The following BCOR variants were observed in gnomAD, a reference collection of about 807,000 sequenced individuals.
BCOR encodes BCL6 corepressor.
Under a neutral mutation model 86.7 loss-of-function variants are expected in BCOR, and 10 were observed. That is an observed-to-expected ratio of 0.12 (90% CI 0.07 to 0.20). BCOR has a LOEUF of 0.20. Among genes scored for constraint, BCOR ranks in the 10% least tolerant of loss-of-function variants. The pLI, the probability that BCOR is intolerant of heterozygous loss-of-function variation, is 1.00. For missense variants in BCOR, 1,259 were observed against 1,452.1 expected (o/e 0.87, Z 2.16); for synonymous variants, 611 against 609.0 (o/e 1.00, Z -0.05).
chrX:40,128,095 T>C (rs1028639277), intron 1 of BCOR, among the ~76,000 whole-genome samples: 1 of 107,761 alleles, frequency 9.3e-6, no homozygotes, highest in African/African-American at 3.4e-5. Context: ...AGTGGTGGCA[T>C]GCACCTGTAG....
chrX:40,081,753 T>G (rs1190774131), intron 1 of BCOR, among the ~76,000 whole-genome samples: 1 of 111,954 alleles, frequency 8.9e-6, no homozygotes, highest in Non-Finnish European at 1.9e-5. Context: ...CTTTTTCTAG[T>G]AGTGGAGAGA....
chrX:40,105,838 G>T (rs907020739), intron 1 of BCOR, among the ~76,000 whole-genome samples: 1 of 112,956 alleles, frequency 8.9e-6, no homozygotes, highest in African/African-American at 3.2e-5. Flanking sequence ...CCTTTCGAAG[G>T]TCGAAGGGCC....
chrX:40,066,508 A>C (rs1282130380), intron 6 of BCOR, among the ~76,000 whole-genome samples: 3 of 111,510 alleles, frequency 2.7e-5, no homozygotes, highest in African/African-American at 9.8e-5. Flanking sequence ...GCAGAGGGTA[A>C]GGCTGGAGAA....
At chrX:40,168,791 G>A (rs1259878925) in intron 1 of BCOR, among the ~76,000 whole-genome samples, 1 of 113,482 alleles carries the variant, frequency 8.8e-6, no homozygotes, top group South Asian at 3.5e-4. Context: ...AGCAGCCCAG[G>A]CAAATATGTA....
Position 40,129,870 on chromosome X carries a change from G to A in BCOR, c.-41+47137C>T, listed in dbSNP as rs1236002871. 3.0e-4 allele frequency among the ~76,000 whole-genome samples: 33 copies of A among 110,632 alleles called. 1 individual carries two copies. Among genetic ancestry groups the A allele is most frequent in the Admixed American group, 1.5e-3 (16 of 10,374 alleles). On this transcript the variant is annotated intron_variant, in intron 1 of 14. Transcript: ENST00000342274. ...AGCCTGGACAACATGACGAAACCCC[G>A]TCTCTACCAAAAATACAAAAATTAG...
chrX:40,150,169 A>G (rs1447167777), intron 1 of BCOR, among the ~76,000 whole-genome samples: 1 of 112,497 alleles, frequency 8.9e-6, no homozygotes, highest in Non-Finnish European at 1.9e-5. Context: ...CTAAACAGAA[A>G]CAAGGTTCTC....
At chrX:40,175,675 C>A (rs1184646930) in intron 1 of BCOR, among the ~76,000 whole-genome samples, 1 of 112,840 alleles carries the variant, frequency 8.9e-6, no homozygotes, top group Non-Finnish European at 1.9e-5. Context: ...ACCGCGACTC[C>A]AAGCAGACGT....
At chrX:40,147,239 C>A (rs972225163) in intron 1 of BCOR, among the ~76,000 whole-genome samples, 4 of 112,396 alleles carry the variant, frequency 3.6e-5, no homozygotes, top group African/African-American at 1.3e-4. Flanking sequence ...GTTGGGAGAG[C>A]GCCACAGACC....
chrX:40,177,124 G>C (rs1938779389), exon 1 of BCOR: 1 of 110,773 alleles, frequency 9.0e-6, no homozygotes, highest in African/African-American at 3.3e-5. Context: ...AGTTCTCCGG[G>C]AGGGGGTGTC....
intron 1 of BCOR, among the ~76,000 whole-genome samples, chrX:40,123,730 G>A (rs1441886734): frequency 9.0e-6 from 1 of 110,533 alleles, no homozygotes; most frequent in East Asian, 2.8e-4. Flanking sequence ...CATTTATCTG[G>A]CTCTGGAAGT....
intron 1 of BCOR, among the ~76,000 whole-genome samples, chrX:40,080,512 C>G (rs1341957585): frequency 1.8e-5 from 2 of 111,367 alleles, no homozygotes; most frequent in African/African-American, 6.6e-5. Flanking sequence ...AAGGACCTCC[C>G]GGCACCTTCT....
chrX:40,061,216 T>A (rs1934848893), intron 10 of BCOR, among the ~76,000 whole-genome samples: 1 of 112,104 alleles, frequency 8.9e-6, no homozygotes, highest in South Asian at 3.7e-4. Context: ...GGCTATTACA[T>A]CACTATCTCA....
intron 1 of BCOR, among the ~76,000 whole-genome samples, chrX:40,138,062 C>G (rs1937724782): frequency 9.0e-6 from 1 of 111,595 alleles, no homozygotes; most frequent in Admixed American, 9.5e-5. Context: ...AAGTGATTCT[C>G]CTGCCTCAGC....
In BCOR at chrX:40,051,808, A is replaced by AT. The variant is rs35289701; in HGVS notation, c.*300dup. The AT allele has an allele frequency of 2.1e-3, 476 of 222,940 alleles. No individual in the cohort carries two copies. Among genetic ancestry groups the AT allele is most frequent in the Middle Eastern group, 5.6e-3 (4 of 714 alleles). The allele number at this position is 222,940 out of a possible 1,213,427, so 18.4% of individuals were successfully genotyped here. A position where few individuals can be genotyped will look rare whatever the true frequency, so the allele number is the denominator to read the frequency against. Reference sequence around the variant, plus strand: ...TCAAAGTGTGGAGCTCCTTTTACTCATTTTTTTTTCTCCTTAAAAAAGAAA... The same window carrying AT: ...TCAAAGTGTGGAGCTCCTTTTACTCATTTTTTTTTTCTCCTTAAAAAAGAAA... On this transcript the variant is annotated 3_prime_UTR_variant, in exon 15 of 15. Coordinates refer to ENST00000378444, the MANE Select transcript of BCOR (RefSeq NM_001123385.2).
intron 1 of BCOR, among the ~76,000 whole-genome samples, chrX:40,130,331 T>A (rs1425428808): frequency 8.9e-6 from 1 of 112,047 alleles, no homozygotes; most frequent in African/African-American, 3.2e-5. Flanking sequence ...CCTATCCTAA[T>A]GACTCAATCT....
At chrX:40,120,809 T>C (rs1040500869) in intron 1 of BCOR, among the ~76,000 whole-genome samples, 2 of 111,829 alleles carry the variant, frequency 1.8e-5, no homozygotes, top group Non-Finnish European at 3.8e-5. Context: ...TGGTGGACAG[T>C]GATGTATGCC....
rs1159459278 is a variant in BCOR at position 40,057,064 on chromosome X, GA to G, written c.4595+90del. ...CAGTCACCCTCTGTCTTTCCTCCTG[GA>G]ATTTCCCGTATACACTGAGAACCAC... On this transcript the variant is annotated intron_variant, in intron 11 of 14. Coordinates refer to ENST00000378444, the MANE Select transcript of BCOR (RefSeq NM_001123385.2). 1.3e-5 allele frequency: 13 copies of G among 1,036,665 alleles called. No homozygotes were observed. In the East Asian group the frequency reaches 3.4e-4, roughly 27 times the overall value. The allele number at this position is 1,036,665 out of a possible 1,213,427, so 85.4% of individuals were successfully genotyped here. A position where few individuals can be genotyped will look rare whatever the true frequency, so the allele number is the denominator to read the frequency against.
At chrX:40,111,381 C>A (rs1015597256) in intron 1 of BCOR, among the ~76,000 whole-genome samples, 1 of 111,926 alleles carries the variant, frequency 8.9e-6, no homozygotes, top group Non-Finnish European at 1.9e-5. Context: ...AGAGGTGTCT[C>A]CATCCATGTG....
At chrX:40,144,225 C>G (rs1417630226) in intron 1 of BCOR, among the ~76,000 whole-genome samples, 2 of 112,120 alleles carry the variant, frequency 1.8e-5, no homozygotes, top group Non-Finnish European at 3.8e-5. Context: ...AACTGTTCCC[C>G]TCCTCACTCC....
Sources: gnomAD v4.1 joint callset for allele counts (sites outside exome capture counted in the v4.1 genomes callset) on GRCh38, gnomAD v4.1.1 for gene constraint, MANE v1.5 for transcripts, NCBI Gene and HGNC (gene_info 2026-07-23, HGNC 2026-07-21) for gene names.